The following EXOC6B variants were observed in gnomAD, a reference collection of about 807,000 sequenced individuals.
The protein encoded by EXOC6B is SEC15 homolog B.
A neutral mutation model predicts 113.5 loss-of-function variants in EXOC6B; 54 were observed. That is an observed-to-expected ratio of 0.48 (90% CI 0.38 to 0.60). EXOC6B has a LOEUF of 0.60. Ranked by LOEUF, EXOC6B falls within the 20% of genes least tolerant of loss-of-function variation. EXOC6B has a pLI of 0.00. For synonymous variants in EXOC6B, 357 were observed against 339.0 expected, an observed-to-expected ratio of 1.05 and a Z score of -0.58; for missense variants, 797 against 977.5, an observed-to-expected ratio of 0.82 and a Z score of 2.46.
rs563897172 is a variant in EXOC6B, at chr2:72,730,389, C to T, written c.464+618G>A. On this transcript the variant is annotated intron_variant, in intron 5 of 21. Transcript: ENST00000272427. ...GGTGAAAACCTTAATAGGAAAAAGGCTGACTGTGCCCAAGGAAGAGGGAAT... is the reference window on the plus strand; with the variant it reads ...GGTGAAAACCTTAATAGGAAAAAGGTTGACTGTGCCCAAGGAAGAGGGAAT... Among the ~76,000 whole-genome samples, 4 of 152,248 alleles carry T rather than the reference C, an allele frequency of 2.6e-5. No homozygotes were observed. The South Asian group carries it at 6.2e-4, about 24-fold the overall frequency.
chr2:72,640,616 A>C (rs924906948), intron 6 of EXOC6B, among the ~76,000 whole-genome samples: 1 of 152,214 alleles, frequency 6.6e-6, no homozygotes, highest in Non-Finnish European at 1.5e-5. Context: ...TGGAGAGAAA[A>C]GGTCACCTAC....
At chr2:72,468,686 A>G (rs879815774) in intron 17 of EXOC6B, among the ~76,000 whole-genome samples, 6 of 152,192 alleles carry the variant, frequency 3.9e-5, no homozygotes, top group African/African-American at 1.4e-4. Context: ...AAAATGCATT[A>G]GAATTTGAAT....
chr2:72,371,516 G>A (rs1453692804), intron 19 of EXOC6B, among the ~76,000 whole-genome samples: 1 of 152,170 alleles, frequency 6.6e-6, no homozygotes. Context: ...TCCCCGGGAT[G>A]CAAGGATGGT....
chr2:72,513,936 T>C (rs561966749), intron 10 of EXOC6B, among the ~76,000 whole-genome samples: 2 of 152,078 alleles, frequency 1.3e-5, no homozygotes, highest in Non-Finnish European at 2.9e-5. Flanking sequence ...ACAATTTAAA[T>C]CTGAAAAAAA....
At chr2:72,436,392 CAA>C (rs1695873749) in intron 18 of EXOC6B, among the ~76,000 whole-genome samples, 1 of 152,108 alleles carries the variant, frequency 6.6e-6, no homozygotes, top group South Asian at 2.1e-4. Flanking sequence ...TTACTCTTCT[CAA>C]AGACTATCTT....
At chr2:72,524,319 C>T (rs1156460857) in intron 8 of EXOC6B, among the ~76,000 whole-genome samples, 1 of 152,052 alleles carries the variant, frequency 6.6e-6, no homozygotes, top group Non-Finnish European at 1.5e-5. Context: ...ATTAGAACTG[C>T]CCTAAAGATT....
chr2:72,308,145 C>T (rs999063123), intron 20 of EXOC6B, among the ~76,000 whole-genome samples: 5 of 152,082 alleles, frequency 3.3e-5, no homozygotes, highest in African/African-American at 1.2e-4. Flanking sequence ...GACCACAACA[C>T]CTCAATATTT....
chr2:72,254,711 A>G (rs190695265), intron 20 of EXOC6B, among the ~76,000 whole-genome samples: 20 of 152,350 alleles, frequency 1.3e-4, no homozygotes, highest in Admixed American at 8.5e-4. Flanking sequence ...AATATACACA[A>G]ACATTAAACA....
chr2:72,486,925 T>C (rs1699455839), intron 16 of EXOC6B, among the ~76,000 whole-genome samples: 1 of 152,198 alleles, frequency 6.6e-6, no homozygotes, highest in Non-Finnish European at 1.5e-5. Context: ...ACCCCATTTC[T>C]TTGTTTCCTT....
chr2:72,817,561 A>G (rs1261916638), intron 1 of EXOC6B, among the ~76,000 whole-genome samples: 1 of 152,242 alleles, frequency 6.6e-6, no homozygotes, highest in African/African-American at 2.4e-5. Context: ...ACAGCAGCAA[A>G]CAAAAGAAAC....
chr2:72,203,981 T>C (rs1679664353), intron 20 of EXOC6B, among the ~76,000 whole-genome samples: 2 of 152,296 alleles, frequency 1.3e-5, no homozygotes, highest in African/African-American at 2.4e-5. Context: ...CTGGAAACTA[T>C]AGCATAGCCC....
At chr2:72,530,855 C>T (rs1351587093) in intron 8 of EXOC6B, among the ~76,000 whole-genome samples, 1 of 152,144 alleles carries the variant, frequency 6.6e-6, no homozygotes, top group East Asian at 1.9e-4. Flanking sequence ...AATTTTCTTT[C>T]CTCTGATGTC....
intron 6 of EXOC6B, among the ~76,000 whole-genome samples, chr2:72,707,780 T>A (rs748768514): frequency 5.9e-5 from 9 of 152,284 alleles, no homozygotes; most frequent in Non-Finnish European, 1.3e-4. Context: ...AATACCATAA[T>A]GCCTACCATA....
chr2:72,501,952 G>T (rs1700345606), intron 11 of EXOC6B, among the ~76,000 whole-genome samples: 1 of 151,448 alleles, frequency 6.6e-6, no homozygotes, highest in African/African-American at 2.4e-5. Flanking sequence ...TTGTAGAGAT[G>T]GGGTTTCATT....
intron 20 of EXOC6B, among the ~76,000 whole-genome samples, chr2:72,290,132 A>C (rs1314137934): frequency 6.6e-6 from 1 of 152,142 alleles, no homozygotes. Flanking sequence ...CAGGTCTTTG[A>C]ACTTGAACTG....
intron 15 of EXOC6B, among the ~76,000 whole-genome samples, chr2:72,494,406 CA>C: frequency 6.6e-6 from 1 of 152,086 alleles, no homozygotes; most frequent in African/African-American, 2.4e-5. Flanking sequence ...AATCTATTTT[CA>C]AGAGAACATT....
intron 8 of EXOC6B, among the ~76,000 whole-genome samples, chr2:72,553,542 T>C (rs1038823620): frequency 3.3e-5 from 5 of 152,048 alleles, no homozygotes; most frequent in Non-Finnish European, 5.9e-5. Context: ...CATCTATATT[T>C]TGATATATTA....
chr2:72,609,906 A>G (rs918899402), intron 6 of EXOC6B, among the ~76,000 whole-genome samples: 2 of 152,300 alleles, frequency 1.3e-5, no homozygotes, highest in Non-Finnish European at 1.5e-5. Flanking sequence ...GGGAAAAAAC[A>G]ATTTGAATAC....
chr2:72,515,039 C>T lies in EXOC6B; in HGVS notation c.999+4G>A, dbSNP rs1404649840. ...TGTGAGAAAAGTGAAGATGGTAATC[C>T]TACCATGTTAGATGGAGGTTGAAGT... On this transcript the variant is annotated splice_donor_region_variant and intron_variant, in intron 9 of 21. Transcript: ENST00000272427. 6.3e-7 allele frequency: 1 copy of T among 1,598,192 alleles called. No individual in the cohort carries two copies. The highest frequency in any genetic ancestry group is 1.3e-5 in the African/African-American group (1 of 74,504).
Sources: allele counts gnomAD v4.1 joint callset (sites outside exome capture counted in the v4.1 genomes callset), GRCh38; gene constraint gnomAD v4.1.1; transcripts MANE v1.5; gene names NCBI Gene and HGNC (gene_info 2026-07-23, HGNC 2026-07-21).